The following TMTC2 variants were observed in gnomAD, a reference collection of about 807,000 sequenced individuals.
The protein encoded by TMTC2 is protein O-mannosyl-transferase TMTC2.
A neutral mutation model predicts 82.4 loss-of-function variants in TMTC2; 43 were observed. The observed-to-expected ratio is 0.52, with a 90% CI of 0.41 to 0.67. The LOEUF (loss-of-function observed/expected upper bound fraction) is 0.67, where lower values mean the gene tolerates loss of function less well. TMTC2 is among the 30% of genes least tolerant of loss of function. The probability of loss-of-function intolerance (pLI) is 0.00; values close to 1 mark genes in which losing one functional copy is unlikely to be tolerated. For synonymous variants in TMTC2, 408 were observed against 381.9 expected, an observed-to-expected ratio of 1.07 and a Z score of -0.80; for missense variants, 919 against 1,012.4, an observed-to-expected ratio of 0.91 and a Z score of 1.25.
At chr12:82,849,385 A>G (rs918275959) in intron 1 of TMTC2, among the ~76,000 whole-genome samples, 3 of 152,128 alleles carry the variant, frequency 2.0e-5, no homozygotes, top group Non-Finnish European at 4.4e-5. Context: ...AAAATAAAGC[A>G]GGCCTGAATG....
At chr12:82,983,860 G>T (rs1185990340) in intron 7 of TMTC2, among the ~76,000 whole-genome samples, 1 of 151,880 alleles carries the variant, frequency 6.6e-6, no homozygotes, top group East Asian at 1.9e-4. Context: ...TTTAGGGCTT[G>T]TGTATCTTTT....
chr12:82,696,816 C>T (rs1872810799), intron 1 of TMTC2, among the ~76,000 whole-genome samples: 1 of 152,018 alleles, frequency 6.6e-6, no homozygotes, highest in Non-Finnish European at 1.5e-5. Flanking sequence ...TAACTTGCCT[C>T]CCTGCTTTCA....
At chr12:82,890,990 G>T (rs909395212) in intron 2 of TMTC2, among the ~76,000 whole-genome samples, 9 of 152,136 alleles carry the variant, frequency 5.9e-5, no homozygotes, top group African/African-American at 2.2e-4. Context: ...GTTTTAGCTT[G>T]CAAGGAGATT....
At chr12:82,829,050 AATG>A (rs991965870) in intron 1 of TMTC2, among the ~76,000 whole-genome samples, 1 of 152,192 alleles carries the variant, frequency 6.6e-6, no homozygotes, top group Non-Finnish European at 1.5e-5. Flanking sequence ...TGAAATAACT[AATG>A]ATGTTTTTCT....
chr12:82,765,682 CAAA>C (rs1347864763), intron 1 of TMTC2, among the ~76,000 whole-genome samples: 2 of 142,292 alleles, frequency 1.4e-5, no homozygotes, highest in Non-Finnish European at 3.1e-5. Flanking sequence ...CTCGAAAAAA[CAAA>C]ACAAAACAAA....
chr12:83,038,369 A>G lies in TMTC2; in HGVS notation c.2152+7490A>G, dbSNP rs191751899. Among the ~76,000 whole-genome samples the G allele has an allele frequency of 1.6e-3, 251 of 152,292 alleles. 1 individual carries two copies. Among genetic ancestry groups the G allele is most frequent in the African/African-American group, 5.4e-3 (223 of 41,580 alleles). On this transcript the variant is annotated intron_variant, in intron 9 of 11. Transcript: ENST00000321196. ...AATCAAGGGAATTAAAATATAAATTATAACGAATTCCCTCAAGCTGCTCTA... is the reference window on the plus strand; with the variant it reads ...AATCAAGGGAATTAAAATATAAATTGTAACGAATTCCCTCAAGCTGCTCTA...
At chr12:82,914,817 ATTTTTT>A (rs71068958) in intron 3 of TMTC2, among the ~76,000 whole-genome samples, 4 of 86,434 alleles carry the variant, frequency 4.6e-5, no homozygotes, top group Non-Finnish European at 9.0e-5. Flanking sequence ...CAACTCACTT[ATTTTTT>A]TTTTTTTTTT....
intron 1 of TMTC2, among the ~76,000 whole-genome samples, chr12:82,749,867 A>G (rs1875891101): frequency 6.6e-6 from 1 of 150,892 alleles, no homozygotes; most frequent in Admixed American, 6.6e-5. Flanking sequence ...CTTCCCAGGT[A>G]GCTGGGATTA....
chr12:82,751,037 C>A (rs924071258), intron 1 of TMTC2, among the ~76,000 whole-genome samples: 10 of 152,110 alleles, frequency 6.6e-5, no homozygotes, highest in Non-Finnish European at 1.2e-4. Context: ...TCTTTGTTAA[C>A]AAATTTCTGG....
chr12:82,879,324 T>A (rs7308048), intron 2 of TMTC2, among the ~76,000 whole-genome samples: 1 of 152,102 alleles, frequency 6.6e-6, no homozygotes, highest in Non-Finnish European at 1.5e-5. Flanking sequence ...AATTTTTCCA[T>A]GGACTGGGTG....
At position 82,714,001 on chromosome 12, in the gene TMTC2, A is replaced by C. The variant is rs554177543; in HGVS notation, c.83+26332A>C. Among the ~76,000 whole-genome samples the C allele has an allele frequency of 3.3e-5, 5 of 152,330 alleles. No homozygotes were observed. The South Asian group carries it at 1.0e-3, about 32-fold the overall frequency. On this transcript the variant is annotated intron_variant, in intron 1 of 11. Transcript: ENST00000321196. ...ATGGACTGTCTCATTTATTTCTTAT[A>C]ATAATCACGTGAGGTGTAGAAATCA...
chr12:82,939,014 T>A (rs535304792), intron 4 of TMTC2, among the ~76,000 whole-genome samples: 1 of 152,296 alleles, frequency 6.6e-6, no homozygotes, highest in East Asian at 1.9e-4. Flanking sequence ...AGAATTCGTA[T>A]AATCGTCTTC....
At chr12:82,735,438 C>A (rs1218429011) in intron 1 of TMTC2, among the ~76,000 whole-genome samples, 3 of 151,788 alleles carry the variant, frequency 2.0e-5, no homozygotes, top group Non-Finnish European at 4.4e-5. Flanking sequence ...CTCCGCCTCC[C>A]AGGTTCATGC....
At chr12:82,789,707 T>G (rs1193718801) in intron 1 of TMTC2, among the ~76,000 whole-genome samples, 1 of 152,172 alleles carries the variant, frequency 6.6e-6, no homozygotes, top group Non-Finnish European at 1.5e-5. Context: ...TCCTAACTGA[T>G]GGACATTTGG....
At chr12:82,724,644 TG>T (rs892207128) in intron 1 of TMTC2, among the ~76,000 whole-genome samples, 1 of 152,114 alleles carries the variant, frequency 6.6e-6, no homozygotes, top group Non-Finnish European at 1.5e-5. Context: ...CAGTCTCAGG[TG>T]GTTCTTTATA....
At chr12:83,130,525 T>G (rs145568148) in intron 11 of TMTC2, among the ~76,000 whole-genome samples, 2 of 152,324 alleles carry the variant, frequency 1.3e-5, no homozygotes, top group African/African-American at 4.8e-5. Flanking sequence ...TGCAGCATTA[T>G]TTTTGTAAAA....
At chr12:83,024,590 G>T (rs1172913737) in intron 8 of TMTC2, among the ~76,000 whole-genome samples, 1 of 152,148 alleles carries the variant, frequency 6.6e-6, no homozygotes, top group East Asian at 1.9e-4. Flanking sequence ...TCCTTCCCCA[G>T]ACTTGAAGCA....
At chr12:82,738,233 T>C (rs949412909) in intron 1 of TMTC2, among the ~76,000 whole-genome samples, 1 of 152,202 alleles carries the variant, frequency 6.6e-6, no homozygotes, top group Non-Finnish European at 1.5e-5. Context: ...AGGGCACCAA[T>C]GTATATTTTA....
At chr12:82,745,020 A>G (rs1482230627) in intron 1 of TMTC2, among the ~76,000 whole-genome samples, 1 of 152,100 alleles carries the variant, frequency 6.6e-6, no homozygotes, top group South Asian at 2.1e-4. Context: ...TATACAAAAG[A>G]TATTGCTATT....
Sources: gnomAD v4.1 joint callset for allele counts (sites outside exome capture counted in the v4.1 genomes callset) on GRCh38, gnomAD v4.1.1 for gene constraint, MANE v1.5 for transcripts, NCBI Gene and HGNC (gene_info 2026-07-23, HGNC 2026-07-21) for gene names.